Variants in TSHR observed in about 807,000 individuals in gnomAD.
TSHR encodes the protein thyroid stimulating hormone receptor.
A neutral mutation model predicts 64.1 loss-of-function variants in TSHR; 51 were observed. The ratio of observed to expected loss-of-function variants is 0.80; its 90% CI spans 0.64 to 1.01. The LOEUF (loss-of-function observed/expected upper bound fraction) is 1.01, where lower values mean the gene tolerates loss of function less well. TSHR is among the 50% of genes least tolerant of loss of function. The pLI is 0.00. For missense variants in TSHR, 877 were observed against 942.8 expected (o/e 0.93, Z 0.91); for synonymous variants, 361 against 361.9 (o/e 1.00, Z 0.03).
At chr14:80,981,977 G>T in intron 1 of TSHR, 1 of 320,688 alleles carries the variant, frequency 3.1e-6, no homozygotes. Flanking sequence ...CCAAGTAACT[G>T]GGCTTCAACC....
At chr14:81,012,255 A>G (rs1421010988) in intron 1 of TSHR, 1 of 151,230 alleles carries the variant, frequency 6.6e-6, no homozygotes, top group African/African-American at 2.4e-5. Context: ...CCATGTCCCT[A>G]CAAAGGACAT....
chr14:80,971,637 G>A (rs995227720), intron 1 of TSHR, among the ~76,000 whole-genome samples: 2 of 152,130 alleles, frequency 1.3e-5, no homozygotes, highest in Admixed American at 1.3e-4. Context: ...CTTACAGGGG[G>A]CAGATAGGTG....
chr14:81,003,521 C>A, intron 1 of TSHR: 1 of 222,928 alleles, frequency 4.5e-6, no homozygotes, highest in South Asian at 7.6e-5. Flanking sequence ...GGTGGCTTTT[C>A]ATATATGCAC....
At chr14:81,008,077 T>C (rs1889697275) in intron 1 of TSHR, among the ~76,000 whole-genome samples, 1 of 152,196 alleles carries the variant, frequency 6.6e-6, no homozygotes, top group Non-Finnish European at 1.5e-5. Context: ...ACAACACTGA[T>C]GATGATGACA....
rs530962732 is a variant in TSHR, at chr14:81,113,719, G to A, written c.692+5267G>A. Among the ~76,000 whole-genome samples, 292 of 152,262 alleles carry A rather than the reference G, an allele frequency of 1.9e-3. 1 individual carries two copies. Among genetic ancestry groups the A allele is most frequent in the South Asian group, 7.5e-3 (36 of 4,822 alleles). ...TTCAAAAACCAAGAGAGAGCTGCAC[G>A]CTAAGTACTTGCATGGGTGAAATCA... On this transcript the variant is annotated intron_variant, in intron 8 of 9. Transcript: ENST00000298171.
chr14:81,023,875 T>A (rs1381410325), intron 1 of TSHR, among the ~76,000 whole-genome samples: 1 of 152,216 alleles, frequency 6.6e-6, no homozygotes. Context: ...TTCTTTTTCT[T>A]ACTAATAAAT....
At chr14:81,017,076 G>A (rs1314070278) in intron 1 of TSHR, among the ~76,000 whole-genome samples, 1 of 152,140 alleles carries the variant, frequency 6.6e-6, no homozygotes, top group African/African-American at 2.4e-5. Flanking sequence ...ACACATTTAT[G>A]CCTGAGGTTG....
chr14:80,983,309 T>C, intron 1 of TSHR: 6 of 1,130,856 alleles, frequency 5.3e-6, no homozygotes, highest in Non-Finnish European at 6.3e-6. Flanking sequence ...ATTTTGTCCA[T>C]CACTACATTG....
intron 1 of TSHR, chr14:81,051,880 G>A (rs553496464): frequency 8.5e-5 from 13 of 152,158 alleles, no homozygotes; most frequent in South Asian, 8.3e-4. Context: ...TTTTTAATAC[G>A]AGTATATGTT....
chr14:80,977,834 C>G (rs1471961630), intron 1 of TSHR, among the ~76,000 whole-genome samples: 1 of 152,138 alleles, frequency 6.6e-6, no homozygotes, highest in East Asian at 1.9e-4. Flanking sequence ...GCTTATTTGT[C>G]CATTTTCTTA....
intron 1 of TSHR, among the ~76,000 whole-genome samples, chr14:81,006,177 C>T (rs947236830): frequency 6.6e-6 from 1 of 152,174 alleles, no homozygotes; most frequent in Non-Finnish European, 1.5e-5. Flanking sequence ...CAGGTAGTTC[C>T]CATATACTTT....
At chr14:81,043,419 T>A (rs956880878) in intron 1 of TSHR, among the ~76,000 whole-genome samples, 4 of 152,224 alleles carry the variant, frequency 2.6e-5, no homozygotes, top group Middle Eastern at 3.4e-3. Flanking sequence ...TACAAACCAC[T>A]GCTCAAAGAA....
At chr14:81,109,158 C>A (rs1463636570) in intron 8 of TSHR, among the ~76,000 whole-genome samples, 2 of 152,170 alleles carry the variant, frequency 1.3e-5, no homozygotes, top group Non-Finnish European at 2.9e-5. Context: ...ACCTGTAATC[C>A]CAGCACTTTG....
At chr14:81,005,142 T>C (rs1209226161) in intron 1 of TSHR, among the ~76,000 whole-genome samples, 1 of 152,130 alleles carries the variant, frequency 6.6e-6, no homozygotes, top group East Asian at 1.9e-4. Context: ...CAATTTGTAC[T>C]TGTCTATGCA....
intron 4 of TSHR, 123 bp from the exon 5 acceptor site, chr14:81,090,946 G>A: frequency 1.3e-6 from 1 of 782,392 alleles, no homozygotes; most frequent in Admixed American, 2.0e-5. Flanking sequence ...GAAGGTGTTG[G>A]GAGTTTGACT....
In TSHR at chr14:81,031,999, A is replaced by G. The variant is rs113595500; in HGVS notation, c.171-30149A>G. Among the ~76,000 whole-genome samples the G allele has an allele frequency of 3.2e-3, 484 of 152,346 alleles. 3 individuals carry two copies. Among genetic ancestry groups the G allele is most frequent in the African/African-American group, 0.011 (467 of 41,574 alleles). The stretch of plus-strand genomic sequence containing the variant: ...GGACACAAGAAACACGACACTGCCA[A>G]ATAAGCACAGTGATTCCCCAGTTAC... On this transcript the variant is annotated intron_variant, in intron 1 of 9. Coordinates refer to ENST00000298171, the MANE Select transcript of TSHR (RefSeq NM_000369.5).
At chr14:81,104,118 C>A in intron 7 of TSHR, 1 of 985,436 alleles carries the variant, frequency 1.0e-6, no homozygotes, top group Non-Finnish European at 1.2e-6. Context: ...CTAAGGCTGA[C>A]TTTTCCCTCT....
At chr14:81,010,736 TA>T (rs1889860079) in intron 1 of TSHR, among the ~76,000 whole-genome samples, 1 of 152,216 alleles carries the variant, frequency 6.6e-6, no homozygotes, top group Non-Finnish European at 1.5e-5. Context: ...TCTGTCTTCT[TA>T]ACCTTAAAGA....
At position 81,092,387 on chromosome 14, in the gene TSHR, G is replaced by C. The variant is rs773746950; in HGVS notation, c.468-144G>C. 4 of 787,466 alleles carry C rather than the reference G, an allele frequency of 5.1e-6. No homozygotes were observed. The African/African-American group carries it at 6.9e-5, about 14-fold the overall frequency. The allele number at this position is 787,466 out of a possible 1,614,324, so 48.8% of individuals were successfully genotyped here. A position where few individuals can be genotyped will look rare whatever the true frequency, so the allele number is the denominator to read the frequency against. ...CTCACCAGACCTCTGAGCCACTAGC[G>C]GTTAAGAAGGGTCAGTGAAACTTAA... On this transcript the variant is annotated intron_variant, in intron 5 of 9. Transcript: ENST00000298171.
Sources: allele counts gnomAD v4.1 joint callset (sites outside exome capture counted in the v4.1 genomes callset), GRCh38; gene constraint gnomAD v4.1.1; transcripts MANE v1.5; gene names NCBI Gene and HGNC (gene_info 2026-07-23, HGNC 2026-07-21).